TUBB2B: variants seen among roughly 807,000 people sequenced by gnomAD.
TUBB2B encodes tubulin beta-2B chain.
A neutral mutation model predicts 35.0 loss-of-function variants in TUBB2B; 5 were observed. That is an observed-to-expected ratio of 0.14 (90% CI 0.07 to 0.30). The LOEUF is 0.30. Ranked by LOEUF, TUBB2B falls within the 10% of genes least tolerant of loss-of-function variation. The probability of loss-of-function intolerance (pLI) is 1.00; values close to 1 mark genes in which losing one functional copy is unlikely to be tolerated. For synonymous variants in TUBB2B, 166 were observed against 250.5 expected (o/e 0.66, Z 3.18); for missense variants, 63 against 601.8 (o/e 0.10, Z 9.37).
Position 3,224,391 on chromosome 6 carries a change from C to T in TUBB2B, c.*360G>A. On this transcript the variant is annotated 3_prime_UTR_variant, in exon 4 of 4. Transcript: ENST00000259818. ...AGAATAAATTCATTTGAGCTTTTAC[C>T]TACGCCTTTGCTTTTTGTTAAAGGA... 1 of 350,116 alleles carries T rather than the reference C, an allele frequency of 2.9e-6. No homozygotes were observed. Among genetic ancestry groups the T allele is most frequent in the Non-Finnish European group, 5.2e-6 (1 of 192,190 alleles). The allele number at this position is 350,116 out of a possible 1,614,324, so 21.7% of individuals were successfully genotyped here.
chr6:3,225,883 T>C (rs1757281438), intron 3 of TUBB2B, 72 bp from the exon 4 acceptor site: 2 of 1,597,864 alleles, frequency 1.3e-6, no homozygotes, highest in Admixed American at 1.7e-5. Flanking sequence ...CCCCTCAATA[T>C]AGATCAGTGA....
In TUBB2B at chr6:3,225,450, G is replaced by A. The variant is rs759865515; in HGVS notation, c.639C>T (p.Arg213=). The change falls in exon 4 of 4, where the codon CGC becomes CGT. Residue 213 remains arginine (R), a synonymous_variant. Transcript: ENST00000259818. ...DNEALYDICF[R]TLKLTTPTYG... is the part of the protein sequence containing the mutation. ...AGGTGGGGGTGGTCAGCTTCAGGGT[G>A]CGGAAGCAGATGTCATACAGGGCCT... is the stretch of plus-strand genomic sequence containing the variant. The A allele has an allele frequency of 6.2e-6, 10 of 1,613,916 alleles. No individual in the cohort carries two copies. In the South Asian group the frequency reaches 1.1e-4, roughly 18 times the overall value.
At position 3,224,578 on chromosome 6, in the gene TUBB2B, A is replaced by G. The variant is rs1415827790; in HGVS notation, c.*173T>C. 8 of 823,562 alleles carry G rather than the reference A, an allele frequency of 9.7e-6. No homozygotes were observed. Among genetic ancestry groups the G allele is most frequent in the Non-Finnish European group, 1.4e-5 (8 of 591,470 alleles). 51.0% of individuals were successfully genotyped at this position (823,562 alleles called of 1,614,324 possible). On this transcript the variant is annotated 3_prime_UTR_variant, in exon 4 of 4. Coordinates refer to ENST00000259818, the MANE Select transcript of TUBB2B (RefSeq NM_178012.5). ...CAAATGTTACATTGATGTCATCAAT[A>G]TTACAAAAAAGGAAAAAAAAAGTGA...
rs1757302824 is a variant in TUBB2B, at chr6:3,227,433, C to T, written c.57+54G>A. The T allele has an allele frequency of 6.4e-5, 102 of 1,596,810 alleles. No individual in the cohort carries two copies. The South Asian group carries it at 1.1e-3, about 17-fold the overall frequency. On this transcript the variant is annotated intron_variant, in intron 1 of 3. Coordinates refer to ENST00000259818, the MANE Select transcript of TUBB2B (RefSeq NM_178012.5). The surrounding 1 kb of genome is among the most constrained non-coding windows in gnomAD (Gnocchi z 7.8). ...GACCGCGCCTGGGGACCCCGAGGGG[C>T]TCTCGGCCCAGGTTCGCGCCCCCAT...
rs112534440 is a variant in TUBB2B, at chr6:3,224,393, A to ACG, written c.*356_*357dup. 5,486 of 357,254 alleles carry ACG rather than the reference A, an allele frequency of 0.015. 125 individuals carry two copies. The highest frequency in any genetic ancestry group is 0.065 in the African/African-American group (3,135 of 48,462). 22.1% of individuals were successfully genotyped at this position (357,254 alleles called of 1,614,324 possible). A position where few individuals can be genotyped will look rare whatever the true frequency, so the allele number is the denominator to read the frequency against. ...AATAAATTCATTTGAGCTTTTACCT[A>ACG]CGCCTTTGCTTTTTGTTAAAGGAAG... On this transcript the variant is annotated 3_prime_UTR_variant, in exon 4 of 4. Coordinates refer to ENST00000259818, the MANE Select transcript of TUBB2B (RefSeq NM_178012.5).
In TUBB2B at chr6:3,227,552, G is replaced by C. The variant is rs746638461; in HGVS notation, c.-9C>G. 40 of 1,610,700 alleles carry C rather than the reference G, an allele frequency of 2.5e-5. No individual in the cohort carries two copies. The highest frequency in any genetic ancestry group is 2.1e-4 in the Middle Eastern group (1 of 4,794). ...TGCACGATCTCACGCATGGTGCCTC[G>C]TCAGCGTCCTCCTGGTCCGGCGGCG... On this transcript the variant is annotated 5_prime_UTR_variant, in exon 1 of 4. Transcript: ENST00000259818. The surrounding 1 kb of genome is among the most constrained non-coding windows in gnomAD (Gnocchi z 7.8).
chr6:3,224,364 A>G lies in TUBB2B; in HGVS notation c.*387T>C, dbSNP rs955220529. The G allele has an allele frequency of 3.4e-6, 1 of 290,782 alleles. No homozygotes were observed. Among genetic ancestry groups the G allele is most frequent in the Middle Eastern group, 1.1e-3 (1 of 884 alleles). 18.0% of individuals were successfully genotyped at this position (290,782 alleles called of 1,614,324 possible). A position where few individuals can be genotyped will look rare whatever the true frequency, so the allele number is the denominator to read the frequency against. On this transcript the variant is annotated 3_prime_UTR_variant, in exon 4 of 4. Coordinates refer to ENST00000259818, the MANE Select transcript of TUBB2B (RefSeq NM_178012.5). ...TGATTGGTTCAATTTTACCATACCG[A>G]AAGAATAAATTCATTTGAGCTTTTA...
At position 3,226,611 on chromosome 6, in the gene TUBB2B, T is replaced by C. The variant is rs1757290815; in HGVS notation, c.116A>G (p.Asp39Gly). The change falls in exon 2 of 4, where the codon GAC (aspartate) becomes GGC (glycine). Residue 39 changes from aspartate to glycine, a missense_variant. This residue lies in a region of TUBB2B where 25 missense variants were observed against 120.4 expected (regional missense o/e 0.21). Coordinates refer to ENST00000259818, the MANE Select transcript of TUBB2B (RefSeq NM_178012.5). The surrounding 1 kb of genome is among the most constrained non-coding windows in gnomAD (Gnocchi z 5.5). ...GIDPTGSYHG[D>G]SDLQLERINV... Reference sequence around the variant, plus strand: ...GATTCTCTCCAGCTGCAAATCACTGTCTCCATGGTAACTGCCAGTGGGGTC... The same window carrying C: ...GATTCTCTCCAGCTGCAAATCACTGCCTCCATGGTAACTGCCAGTGGGGTC... 6.2e-7 allele frequency: 1 copy of C among 1,614,058 alleles called. No homozygotes were observed. Among genetic ancestry groups the C allele is most frequent in the African/African-American group, 1.3e-5 (1 of 74,926 alleles).
chr6:3,226,411 G>C lies in TUBB2B; in HGVS notation c.167-142C>G. On this transcript the variant is annotated intron_variant, in intron 2 of 3. Transcript: ENST00000259818. This position sits in a 1 kb window ranked among gnomAD's most constrained non-coding sequence, Gnocchi z 5.5. ...TCTCAAAGGGCTCTGTTGGCATAAG[G>C]AAGCCCAATGAAATACTGCAGGGAA... The C allele has an allele frequency of 3.9e-6, 4 of 1,029,104 alleles. No homozygotes were observed. Among genetic ancestry groups the C allele is most frequent in the Non-Finnish European group, 6.0e-6 (4 of 662,126 alleles). The allele number at this position is 1,029,104 out of a possible 1,614,324, so 63.7% of individuals were successfully genotyped here. A position where few individuals can be genotyped will look rare whatever the true frequency, so the allele number is the denominator to read the frequency against.
At position 3,227,380 on chromosome 6, in the gene TUBB2B, G is replaced by A; in HGVS notation, c.57+107C>T. On this transcript the variant is annotated intron_variant, in intron 1 of 3. Transcript: ENST00000259818. The surrounding 1 kb of genome is among the most constrained non-coding windows in gnomAD (Gnocchi z 7.8). ...CGGCACAAAGCGGCCAGGAAGGTCTGCATTTGGCGATCCCCAGGCCTTCCC... is the reference window on the plus strand; with the variant it reads ...CGGCACAAAGCGGCCAGGAAGGTCTACATTTGGCGATCCCCAGGCCTTCCC... 1 of 1,457,868 alleles carries A rather than the reference G, an allele frequency of 6.9e-7. No individual in the cohort carries two copies. The highest frequency in any genetic ancestry group is 1.4e-5 in the African/African-American group (1 of 71,440). The allele number at this position is 1,457,868 out of a possible 1,614,324, so 90.3% of individuals were successfully genotyped here.
Position 3,226,698 on chromosome 6 carries a change from G to A in TUBB2B, c.58-29C>T. 2 of 1,575,352 alleles carry A rather than the reference G, an allele frequency of 1.3e-6. No homozygotes were observed. The highest frequency in any genetic ancestry group is 1.3e-5 in the African/African-American group (1 of 74,292). ...AGACAGAAAGGCTGCATTTAGCCAT[G>A]AACGATGCCCCCAGAAACGCCAAGG... On this transcript the variant is annotated intron_variant, in intron 1 of 3. Transcript: ENST00000259818. The surrounding 1 kb of genome is among the most constrained non-coding windows in gnomAD (Gnocchi z 5.5).
Position 3,227,471 on chromosome 6 carries a change from G to T in TUBB2B, c.57+16C>A. On this transcript the variant is annotated intron_variant, in intron 1 of 3. Transcript: ENST00000259818. This position sits in a 1 kb window ranked among gnomAD's most constrained non-coding sequence, Gnocchi z 7.8. ...TTCGCGCCCCCATTGGACCCCCTCC[G>T]CTGCGGCGCGCCCACCTTGGCGCCG... 1.9e-6 allele frequency: 3 copies of T among 1,606,038 alleles called. No individual in the cohort carries two copies. The highest frequency in any genetic ancestry group is 1.3e-5 in the African/African-American group (1 of 74,952).
rs1757247364 is a variant in TUBB2B, at chr6:3,224,534, C to T, written c.*217G>A. ...GTTTATGTGATTTTAGCCATTACAA[C>T]AGTAATTCAGAAATATCTCAAATGT... is the stretch of plus-strand genomic sequence containing the variant. On this transcript the variant is annotated 3_prime_UTR_variant, in exon 4 of 4. Coordinates refer to ENST00000259818, the MANE Select transcript of TUBB2B (RefSeq NM_178012.5). The T allele has an allele frequency of 1.4e-6, 1 of 692,394 alleles. No individual in the cohort carries two copies. Among genetic ancestry groups the T allele is most frequent in the Non-Finnish European group, 2.4e-6 (1 of 422,166 alleles). 42.9% of individuals were successfully genotyped at this position (692,394 alleles called of 1,614,324 possible). A position where few individuals can be genotyped will look rare whatever the true frequency, so the allele number is the denominator to read the frequency against.
Position 3,224,421 on chromosome 6 carries a change from T to A in TUBB2B, c.*330A>T. Reference sequence around the variant, plus strand: ...CCTTTGCTTTTTGTTAAAGGAAGAATTCAATGCAATGTGTTCAGAAAGTTA... The same window carrying A: ...CCTTTGCTTTTTGTTAAAGGAAGAAATCAATGCAATGTGTTCAGAAAGTTA... On this transcript the variant is annotated 3_prime_UTR_variant, in exon 4 of 4. Coordinates refer to ENST00000259818, the MANE Select transcript of TUBB2B (RefSeq NM_178012.5). 1 of 436,450 alleles carries A rather than the reference T, an allele frequency of 2.3e-6. No individual in the cohort carries two copies. The highest frequency in any genetic ancestry group is 4.1e-6 in the Non-Finnish European group (1 of 244,664). The allele number at this position is 436,450 out of a possible 1,614,324, so 27.0% of individuals were successfully genotyped here. A position where few individuals can be genotyped will look rare whatever the true frequency, so the allele number is the denominator to read the frequency against.
At position 3,224,479 on chromosome 6, in the gene TUBB2B, A is replaced by G. The variant is rs1757246628; in HGVS notation, c.*272T>C. The G allele has an allele frequency of 6.9e-6, 4 of 581,242 alleles. No homozygotes were observed. Among genetic ancestry groups the G allele is most frequent in the Non-Finnish European group, 1.2e-5 (4 of 331,424 alleles). 36.0% of individuals were successfully genotyped at this position (581,242 alleles called of 1,614,324 possible). ...ATCGTTAATAAAGAGAAAAAGGAAG[A>G]GAAAGAGAGGACACCATTCCGACAC... On this transcript the variant is annotated 3_prime_UTR_variant, in exon 4 of 4. Transcript: ENST00000259818.
chr6:3,224,612 A>T lies in TUBB2B; in HGVS notation c.*139T>A. ...AAGGAAAAAAAAAGTGACAGGCAAC[A>T]GTGAAGAGCACCAGAGACCCAGCGC... is the stretch of plus-strand genomic sequence containing the variant. On this transcript the variant is annotated 3_prime_UTR_variant, in exon 4 of 4. Coordinates refer to ENST00000259818, the MANE Select transcript of TUBB2B (RefSeq NM_178012.5). 1 of 1,284,080 alleles carries T rather than the reference A, an allele frequency of 7.8e-7. No homozygotes were observed. The highest frequency in any genetic ancestry group is 1.1e-6 in the Non-Finnish European group (1 of 942,704). 79.5% of individuals were successfully genotyped at this position (1,284,080 alleles called of 1,614,324 possible).
At position 3,224,705 on chromosome 6, in the gene TUBB2B, C is replaced by T; in HGVS notation, c.*46G>A. Reference sequence around the variant, plus strand: ...TATCGTCCCGGGAAGCCCCCCACCCCCTCGCTTTCCTCCTCCGCTTTCCCT... The same window carrying T: ...TATCGTCCCGGGAAGCCCCCCACCCTCTCGCTTTCCTCCTCCGCTTTCCCT... On this transcript the variant is annotated 3_prime_UTR_variant, in exon 4 of 4. Coordinates refer to ENST00000259818, the MANE Select transcript of TUBB2B (RefSeq NM_178012.5). 6.2e-7 allele frequency: 1 copy of T among 1,610,558 alleles called. No individual in the cohort carries two copies. Among genetic ancestry groups the T allele is most frequent in the Non-Finnish European group, 8.5e-7 (1 of 1,177,490 alleles).
Position 3,227,247 on chromosome 6 carries a change from G to C in TUBB2B, c.57+240C>G, listed in dbSNP as rs538073450. On this transcript the variant is annotated intron_variant, in intron 1 of 3. Transcript: ENST00000259818. This position sits in a 1 kb window ranked among gnomAD's most constrained non-coding sequence, Gnocchi z 7.8. ...CGCGTGCCTGCCAAGCAGCCAGCGC[G>C]GAGGGAGGCCGAGGGGGTGACGGGG... Among the ~76,000 whole-genome samples the C allele has an allele frequency of 3.3e-5, 5 of 152,090 alleles. No individual in the cohort carries two copies. Among genetic ancestry groups the C allele is most frequent in the African/African-American group, 1.2e-4 (5 of 41,426 alleles).
In TUBB2B at chr6:3,226,295, C is replaced by T. The variant is rs371871394; in HGVS notation, c.167-26G>A. On this transcript the variant is annotated intron_variant, in intron 2 of 3. Transcript: ENST00000259818. This position sits in a 1 kb window ranked among gnomAD's most constrained non-coding sequence, Gnocchi z 5.5. ...CTGCAAGGAACAACAGTGACTTAGA[C>T]CCTCAGGCAAGGACCTCTGCAGAGA... The T allele has an allele frequency of 2.9e-5, 47 of 1,598,736 alleles. No homozygotes were observed. Among genetic ancestry groups the T allele is most frequent in the Non-Finnish European group, 3.9e-5 (45 of 1,166,794 alleles).
Sources: allele counts gnomAD v4.1 joint callset (sites outside exome capture counted in the v4.1 genomes callset), GRCh38; gene constraint gnomAD v4.1.1; regional missense constraint gnomAD v4.1.1; non-coding constraint Gnocchi (gnomAD v3.1); transcripts MANE v1.5; gene names NCBI Gene and HGNC (gene_info 2026-07-23, HGNC 2026-07-21).